Variants in ZDHHC2 observed in about 807,000 individuals in gnomAD.
ZDHHC2 encodes palmitoyltransferase ZDHHC2.
A neutral mutation model predicts 55.6 loss-of-function variants in ZDHHC2; 51 were observed. The ratio of observed to expected loss-of-function variants is 0.92; its 90% confidence interval spans 0.73 to 1.16. The LOEUF (loss-of-function observed/expected upper bound fraction) is 1.16, where lower values mean the gene tolerates loss of function less well. ZDHHC2 is among the 50% of genes most tolerant of loss of function. The probability of loss-of-function intolerance (pLI) is 0.00; values close to 1 mark genes in which losing one functional copy is unlikely to be tolerated. For synonymous variants in ZDHHC2, 199 were observed against 152.9 expected (o/e 1.30, Z -2.22); for missense variants, 491 against 442.4 (o/e 1.11, Z -0.99).
chr8:17,195,518 T>G lies in ZDHHC2; in HGVS notation c.267T>G (p.Tyr89Ter). 1 of 1,613,456 alleles carries G rather than the reference T, an allele frequency of 6.2e-7. No individual in the cohort carries two copies. The highest frequency in any genetic ancestry group is 1.1e-5 in the South Asian group (1 of 91,012). Reference sequence around the variant, plus strand: ...GTATTCCACAGTTCCATCTCTCTTATGCAGAGAAAGATTTGTTGGAGAGAG... The same window carrying G: ...GTATTCCACAGTTCCATCTCTCTTAGGCAGAGAAAGATTTGTTGGAGAGAG... The part of the protein sequence containing the change: ...MNPSKEFHLS[Y>*]AEKDLLEREP... The change falls in exon 4 of 13, where the codon TAT (tyrosine) becomes TAG (stop). Residue 89 changes from tyrosine (Y) to a stop codon, truncating the protein, a stop_gained. Coordinates refer to ENST00000262096, the MANE Select transcript of ZDHHC2 (RefSeq NM_016353.5). LOFTEE classifies it high-confidence loss of function.
At chr8:17,215,092 T>TA in intron 10 of ZDHHC2, 145 bp from the exon 11 acceptor site, 3 of 649,804 alleles carry the variant, frequency 4.6e-6, no homozygotes, top group Non-Finnish European at 7.9e-6. Flanking sequence ...TAATGTCTTA[T>TA]TCTTGTATTC....
chr8:17,217,154 T>G lies in ZDHHC2; in HGVS notation c.1064-18T>G. ...TTCAAAAGCAACCAAAAATGCTAAC[T>G]TATGTGCTTTCATTAAGGTATGAGC... On this transcript the variant is annotated intron_variant, in intron 11 of 12. Coordinates refer to ENST00000262096, the MANE Select transcript of ZDHHC2 (RefSeq NM_016353.5). The G allele has an allele frequency of 6.2e-7, 1 of 1,609,248 alleles. No individual in the cohort carries two copies. Among genetic ancestry groups the G allele is most frequent in the Non-Finnish European group, 8.5e-7 (1 of 1,177,998 alleles).
chr8:17,215,106 A>G (rs1807585457), intron 10 of ZDHHC2, 131 bp from the exon 11 acceptor site: 6 of 691,180 alleles, frequency 8.7e-6, no homozygotes, highest in South Asian at 1.9e-5. Context: ...TGTATTCCCC[A>G]CGTTATTTTG....
At chr8:17,185,439 T>C (rs920137028) in intron 2 of ZDHHC2, among the ~76,000 whole-genome samples, 1 of 151,964 alleles carries the variant, frequency 6.6e-6, no homozygotes, top group African/African-American at 2.4e-5. Flanking sequence ...GGCAGATCAT[T>C]TGAGGTCAGA....
intron 1 of ZDHHC2, among the ~76,000 whole-genome samples, chr8:17,180,372 C>G (rs1448467400): frequency 2.0e-5 from 3 of 152,128 alleles, no homozygotes; most frequent in Non-Finnish European, 4.4e-5. Context: ...AGGCAATTGA[C>G]TTATAAGATA....
At chr8:17,218,557 GTTAT>G (rs1807755712) in intron 12 of ZDHHC2, among the ~76,000 whole-genome samples, 1 of 152,018 alleles carries the variant, frequency 6.6e-6, no homozygotes. Flanking sequence ...CAGTATTGTG[GTTAT>G]TTATCTCCAA....
At chr8:17,178,235 T>C (rs1214601964) in intron 1 of ZDHHC2, among the ~76,000 whole-genome samples, 1 of 152,166 alleles carries the variant, frequency 6.6e-6, no homozygotes, top group Non-Finnish European at 1.5e-5. Context: ...TTAATAATAA[T>C]CACCAAAGCC....
rs972809925 is a variant in ZDHHC2 at position 17,195,498 on chromosome 8, C to T, written c.253-6C>T. The T allele has an allele frequency of 6.2e-7, 1 of 1,610,472 alleles. No homozygotes were observed. The highest frequency in any genetic ancestry group is 8.5e-7 in the Non-Finnish European group (1 of 1,177,986). ...ATACTGATTAAGATTTAAATGTATT[C>T]CACAGTTCCATCTCTCTTATGCAGA... On this transcript the variant is annotated splice_polypyrimidine_tract_variant and splice_region_variant and intron_variant, in intron 3 of 12. Transcript: ENST00000262096.
At chr8:17,199,588 CTTTCTTCTTCTTT>C (rs1563161563) in intron 6 of ZDHHC2, among the ~76,000 whole-genome samples, 4 of 34,150 alleles carry the variant, frequency 1.2e-4, no homozygotes, top group South Asian at 8.7e-4. Context: ...TCTTCTTCTT[CTTTCTTCTTCTTT>C]ATTCTTTCTT....
chr8:17,190,433 C>A (rs894632917), intron 3 of ZDHHC2, among the ~76,000 whole-genome samples: 2 of 152,036 alleles, frequency 1.3e-5, no homozygotes, highest in Admixed American at 6.6e-5. Context: ...CTTTATAAAA[C>A]GCAAGGTCTT....
At chr8:17,175,917 G>A (rs904457387) in intron 1 of ZDHHC2, among the ~76,000 whole-genome samples, 38 of 152,172 alleles carry the variant, frequency 2.5e-4, no homozygotes, top group Non-Finnish European at 2.2e-4. Context: ...GGGCAAAGAC[G>A]CTAAGGTTTG....
At chr8:17,189,598 A>G (rs1805915950) in intron 3 of ZDHHC2, among the ~76,000 whole-genome samples, 1 of 152,226 alleles carries the variant, frequency 6.6e-6, no homozygotes, top group Non-Finnish European at 1.5e-5. Context: ...AGTGACTTCT[A>G]ACTTCTCTCT....
chr8:17,176,235 A>G (rs904157085), intron 1 of ZDHHC2, among the ~76,000 whole-genome samples: 3 of 152,182 alleles, frequency 2.0e-5, no homozygotes, highest in Non-Finnish European at 2.9e-5. Flanking sequence ...GTTTGTGGTT[A>G]GTAGACTGTT....
chr8:17,159,549 CAGTT>C (rs1335395559), intron 1 of ZDHHC2, among the ~76,000 whole-genome samples: 1 of 152,284 alleles, frequency 6.6e-6, no homozygotes, highest in South Asian at 2.1e-4. Context: ...ATTCTCATTA[CAGTT>C]AGTTTCTATA....
intron 10 of ZDHHC2, 110 bp downstream of exon 10, chr8:17,210,590 T>C (rs1807330512): frequency 1.2e-6 from 1 of 853,642 alleles, no homozygotes; most frequent in Non-Finnish European, 1.8e-6. Context: ...GAAAATTTAC[T>C]GCAATGGTTT....
At chr8:17,209,872 T>C (rs1807289685) in intron 8 of ZDHHC2, 60 bp from the exon 9 acceptor site, 2 of 1,506,910 alleles carry the variant, frequency 1.3e-6, no homozygotes, top group Non-Finnish European at 1.8e-6. Flanking sequence ...TTGATAAATA[T>C]TCAGGATTGC....
chr8:17,185,816 C>T (rs1379506125), intron 2 of ZDHHC2, among the ~76,000 whole-genome samples: 1 of 152,304 alleles, frequency 6.6e-6, no homozygotes, highest in Admixed American at 6.5e-5. Flanking sequence ...TGAACTCCCA[C>T]TGAAGGAAAT....
chr8:17,176,780 T>C (rs2150895962), intron 1 of ZDHHC2, among the ~76,000 whole-genome samples: 1 of 151,872 alleles, frequency 6.6e-6, no homozygotes, highest in East Asian at 1.9e-4. Context: ...GCGTTTTGAG[T>C]TATCAATAAA....
At chr8:17,162,900 A>G (rs138688714) in intron 1 of ZDHHC2, 1 of 152,382 alleles carries the variant, frequency 6.6e-6, no homozygotes, top group East Asian at 1.9e-4. Flanking sequence ...GTAAGTAGAA[A>G]TGAGTTTTAA....
Sources: gnomAD v4.1 joint callset for allele counts (sites outside exome capture counted in the v4.1 genomes callset) on GRCh38, gnomAD v4.1.1 for gene constraint, MANE v1.5 for transcripts, NCBI Gene and HGNC (gene_info 2026-07-23, HGNC 2026-07-21) for gene names.